ZNF431: variants seen among roughly 807,000 people sequenced by gnomAD.
ZNF431 encodes zinc finger protein 431.
In ZNF431, 34 loss-of-function variants were observed where a neutral mutation model predicts 57.0. That is an observed-to-expected ratio of 0.60 (90% CI 0.45 to 0.79). ZNF431 has a LOEUF of 0.79. ZNF431 is among the 30% of genes least tolerant of loss of function. The probability of loss-of-function intolerance (pLI) is 0.00; values close to 1 mark genes in which losing one functional copy is unlikely to be tolerated. For missense variants in ZNF431, 607 were observed against 667.1 expected (o/e 0.91, Z 0.99); for synonymous variants, 207 against 220.3 (o/e 0.94, Z 0.54).
intron 2 of ZNF431, among the ~76,000 whole-genome samples, chr19:21,144,600 C>A (rs1438313527): frequency 2.0e-5 from 3 of 152,078 alleles, no homozygotes; most frequent in Non-Finnish European, 4.4e-5. Context: ...TTCTCATTTA[C>A]CTTTTTCTTT....
At position 21,168,471 on chromosome 19, in the gene ZNF431, A is replaced by G. The variant is rs189271660; in HGVS notation, c.319+805A>G. The stretch of plus-strand genomic sequence containing the variant: ...AACCTCCACCTCCTGTGTTCAAGCG[A>G]TTCTCCTGCTTCAGCCTTCTGAGTA... On this transcript the variant is annotated intron_variant, in intron 4 of 4. Coordinates refer to ENST00000311048, the MANE Select transcript of ZNF431 (RefSeq NM_133473.4). Among the ~76,000 whole-genome samples the G allele has an allele frequency of 8.2e-3, 1,251 of 151,952 alleles. 6 individuals are homozygous for G. Among genetic ancestry groups the G allele is most frequent in the Non-Finnish European group, 0.013 (898 of 67,982 alleles).
At chr19:21,144,149 G>T (rs1321055924) in intron 2 of ZNF431, among the ~76,000 whole-genome samples, 2 of 151,714 alleles carry the variant, frequency 1.3e-5, no homozygotes, top group Non-Finnish European at 2.9e-5. Context: ...TACTTATTTT[G>T]ACCTCACTTT....
Position 21,191,945 on chromosome 19 carries a change from T to C in ZNF431, c.*7911T>C, listed in dbSNP as rs1971518578. On this transcript the variant is annotated 3_prime_UTR_variant, in exon 5 of 5. Coordinates refer to ENST00000311048, the MANE Select transcript of ZNF431 (RefSeq NM_133473.4). The stretch of plus-strand genomic sequence containing the variant: ...GGTTGCATTATACCTGTAGGTCATT[T>C]TGTGTAATACAAATATTAATGTCAG... 6.6e-6 allele frequency: 1 copy of C among 152,204 alleles called. No homozygotes were observed. The highest frequency in any genetic ancestry group is 1.5e-5 in the Non-Finnish European group (1 of 68,040). 9.4% of individuals were successfully genotyped at this position (152,204 alleles called of 1,614,324 possible). A position where few individuals can be genotyped will look rare whatever the true frequency, so the allele number is the denominator to read the frequency against.
intron 2 of ZNF431, among the ~76,000 whole-genome samples, chr19:21,162,172 G>T (rs931691891): frequency 5.9e-5 from 9 of 151,306 alleles, no homozygotes; most frequent in Admixed American, 1.3e-4. Context: ...GTGTGTGTGT[G>T]TGTGTGTGTG....
chr19:21,178,530 C>T (rs929586585), intron 4 of ZNF431, among the ~76,000 whole-genome samples: 6 of 152,058 alleles, frequency 3.9e-5, no homozygotes, highest in East Asian at 1.9e-4. Flanking sequence ...TGAATTTGTT[C>T]GAAGGCCTTT....
rs1269752632 is a variant in ZNF431, at chr19:21,189,237, C to T, written c.*5203C>T. The T allele has an allele frequency of 6.6e-6, 1 of 152,080 alleles. No individual in the cohort carries two copies. Among genetic ancestry groups the T allele is most frequent in the African/African-American group, 2.4e-5 (1 of 41,410 alleles). The allele number at this position is 152,080 out of a possible 1,614,324, so 9.4% of individuals were successfully genotyped here. ...TGATGGCTCATGCTTGTAATCCCAG[C>T]AATTTGGGAGGCCGAGGCAGGCAGA... On this transcript the variant is annotated 3_prime_UTR_variant, in exon 5 of 5. Transcript: ENST00000311048.
Position 21,183,996 on chromosome 19 carries a change from G to C in ZNF431, c.1693G>C (p.Glu565Gln), listed in dbSNP as rs1282949039. Residue 565 changes from glutamate to glutamine, a missense_variant, in exon 5 of 5, where the codon GAA (glutamate) becomes CAA (glutamine). By Grantham distance (29) the Glu-to-Gln change is conservative. Transcript: ENST00000311048. ...LIKQNNSYWR[E>Q]TLQMSRMWES... ...TAAACAAAATAATTCATACTGGAGA[G>C]AAACTCTACAAATGTCAAGAATGTG... 6.3e-7 allele frequency: 1 copy of C among 1,581,324 alleles called. No homozygotes were observed.
chr19:21,155,772 G>A (rs957250020), intron 2 of ZNF431, among the ~76,000 whole-genome samples: 1 of 152,128 alleles, frequency 6.6e-6, no homozygotes, highest in African/African-American at 2.4e-5. Context: ...CTGAGTTGCT[G>A]TTTGAGAATT....
Position 21,182,664 on chromosome 19 carries a change from G to T in ZNF431, c.361G>T (p.Asp121Tyr). The change falls in exon 5 of 5, where the codon GAC (aspartate) becomes TAC (tyrosine). Residue 121 changes from aspartate to tyrosine, a missense_variant. Coordinates refer to ENST00000311048, the MANE Select transcript of ZNF431 (RefSeq NM_133473.4). ...TACCAAAGACCTTTGGCCAGAGCAA[G>T]ACATAAAAGATTCTTTTCAACAAGT... Reference protein sequence around the residue: ...YFTKDLWPEQDIKDSFQQVIL... With the variant: ...YFTKDLWPEQYIKDSFQQVIL... 6.2e-7 allele frequency: 1 copy of T among 1,612,042 alleles called. No individual in the cohort carries two copies. The highest frequency in any genetic ancestry group is 8.5e-7 in the Non-Finnish European group (1 of 1,179,398).
chr19:21,147,857 A>C (rs890130920), intron 2 of ZNF431, among the ~76,000 whole-genome samples: 1 of 152,218 alleles, frequency 6.6e-6, no homozygotes, highest in Admixed American at 6.5e-5. Flanking sequence ...ATATTTACAC[A>C]AATATAGTCC....
intron 2 of ZNF431, among the ~76,000 whole-genome samples, chr19:21,146,359 G>C (rs962345502): frequency 1.4e-5 from 2 of 147,856 alleles, no homozygotes; most frequent in African/African-American, 5.0e-5. Context: ...GTAGTGAGCC[G>C]AGACCGTGCC....
chr19:21,189,388 C>T lies in ZNF431; in HGVS notation c.*5354C>T, dbSNP rs1971457334. 6.6e-6 allele frequency: 1 copy of T among 151,596 alleles called. No homozygotes were observed. Among genetic ancestry groups the T allele is most frequent in the African/African-American group, 2.4e-5 (1 of 41,212 alleles). 9.4% of individuals were successfully genotyped at this position (151,596 alleles called of 1,614,324 possible). A position where few individuals can be genotyped will look rare whatever the true frequency, so the allele number is the denominator to read the frequency against. ...AATCCAGCTACCCTGGAGGCTAAGG[C>T]AGGAAAATGGCTCAAATCTGGGAGG... On this transcript the variant is annotated 3_prime_UTR_variant, in exon 5 of 5. Transcript: ENST00000311048.
At position 21,192,720 on chromosome 19, in the gene ZNF431, T is replaced by G. The variant is rs1323575132; in HGVS notation, c.*8686T>G. The G allele has an allele frequency of 6.6e-6, 1 of 152,168 alleles. No homozygotes were observed. Among genetic ancestry groups the G allele is most frequent in the African/African-American group, 2.4e-5 (1 of 41,432 alleles). 9.4% of individuals were successfully genotyped at this position (152,168 alleles called of 1,614,324 possible). A position where few individuals can be genotyped will look rare whatever the true frequency, so the allele number is the denominator to read the frequency against. On this transcript the variant is annotated 3_prime_UTR_variant, in exon 5 of 5. Coordinates refer to ENST00000311048, the MANE Select transcript of ZNF431 (RefSeq NM_133473.4). Reference sequence around the variant, plus strand: ...TCCCTGTTTAGTATGTTGTTAGCAGTTTTTTTGGTTATATATGGCATTTAT... The same window carrying G: ...TCCCTGTTTAGTATGTTGTTAGCAGGTTTTTTGGTTATATATGGCATTTAT...
In ZNF431 at chr19:21,193,615, T is replaced by C. The variant is rs933903000; in HGVS notation, c.*9581T>C. The C allele has an allele frequency of 6.6e-6, 1 of 152,184 alleles. No homozygotes were observed. The highest frequency in any genetic ancestry group is 6.5e-5 in the Admixed American group (1 of 15,270). 9.4% of individuals were successfully genotyped at this position (152,184 alleles called of 1,614,324 possible). On this transcript the variant is annotated 3_prime_UTR_variant, in exon 5 of 5. Transcript: ENST00000311048. ...CAACAACAAAACTATAGGCCAATATTTTGGGTGAACATTGAAACAAAAATC... is the reference window on the plus strand; with the variant it reads ...CAACAACAAAACTATAGGCCAATATCTTGGGTGAACATTGAAACAAAAATC...
intron 2 of ZNF431, among the ~76,000 whole-genome samples, chr19:21,152,217 T>G (rs1181669098): frequency 6.6e-6 from 1 of 152,158 alleles, no homozygotes; most frequent in Non-Finnish European, 1.5e-5. Context: ...ATGGTTACTC[T>G]GAGTAATATA....
At chr19:21,182,429 G>C (rs1278960044) in intron 4 of ZNF431, among the ~76,000 whole-genome samples, 194 bp from the exon 5 acceptor site, 1 of 152,038 alleles carries the variant, frequency 6.6e-6, no homozygotes, top group Non-Finnish European at 1.5e-5. Flanking sequence ...TTACACACTT[G>C]TTTATAAGTT....
At chr19:21,160,590 C>T (rs1180907098) in intron 2 of ZNF431, among the ~76,000 whole-genome samples, 3 of 152,206 alleles carry the variant, frequency 2.0e-5, no homozygotes, top group Non-Finnish European at 2.9e-5. Flanking sequence ...TCAGTGGGCC[C>T]TCAGCCGTGG....
chr19:21,179,780 G>A (rs1399562198), intron 4 of ZNF431, among the ~76,000 whole-genome samples: 3 of 151,296 alleles, frequency 2.0e-5, no homozygotes, highest in South Asian at 2.1e-4. Flanking sequence ...GGCTGGTCTC[G>A]AACTCCCGAC....
At chr19:21,169,722 C>T (rs1970827717) in intron 4 of ZNF431, 1 of 398,176 alleles carries the variant, frequency 2.5e-6, no homozygotes, top group African/African-American at 2.1e-5. Flanking sequence ...ATATAATGGC[C>T]CTATCAGGAT....
Sources: gnomAD v4.1 joint callset for allele counts (sites outside exome capture counted in the v4.1 genomes callset) on GRCh38, gnomAD v4.1.1 for gene constraint, MANE v1.5 for transcripts, NCBI Gene and HGNC (gene_info 2026-07-23, HGNC 2026-07-21) for gene names.